Variants in RUNX2 observed in about 807,000 individuals in gnomAD.
RUNX2 encodes runt-related transcription factor 2.
In RUNX2, 10 loss-of-function variants were observed where a neutral mutation model predicts 51.7. The ratio of observed to expected loss-of-function variants is 0.19; its 90% CI spans 0.12 to 0.33. The LOEUF is 0.33. Ranked by LOEUF, RUNX2 falls within the 10% of genes least tolerant of loss-of-function variation. RUNX2 has a pLI of 1.00. For synonymous variants in RUNX2, 276 were observed against 273.6 expected (o/e 1.01, Z -0.09); for missense variants, 562 against 691.3 (o/e 0.81, Z 2.10).
chr6:45,422,292 C>G (rs1318103922), intron 2 of RUNX2: 3 of 375,310 alleles, frequency 8.0e-6, no homozygotes, highest in Non-Finnish European at 1.4e-5. Context: ...CCCCCGCGCC[C>G]GTTCGCAGCT....
intron 5 of RUNX2, among the ~76,000 whole-genome samples, chr6:45,452,683 C>A (rs765082104): frequency 1.5e-4 from 23 of 152,182 alleles, no homozygotes; most frequent in Admixed American, 1.4e-3. Flanking sequence ...CACATGCACA[C>A]GAGCACAGTG....
intron 5 of RUNX2, among the ~76,000 whole-genome samples, chr6:45,467,169 G>A (rs1582142057): frequency 6.6e-6 from 1 of 152,186 alleles, no homozygotes; most frequent in Admixed American, 6.5e-5. Flanking sequence ...GTATAATCCT[G>A]TTGGTGACCC....
intron 2 of RUNX2, among the ~76,000 whole-genome samples, chr6:45,394,563 G>A (rs1352536156): frequency 6.6e-6 from 1 of 152,140 alleles, no homozygotes; most frequent in Non-Finnish European, 1.5e-5. Context: ...CAGAGGAAGT[G>A]TTCCATAATT....
chr6:45,398,559 A>G (rs151210405), intron 2 of RUNX2, among the ~76,000 whole-genome samples: 42 of 152,330 alleles, frequency 2.8e-4, no homozygotes, highest in Admixed American at 5.2e-4. Flanking sequence ...CTAATCCTTC[A>G]ATTTTAACAA....
At chr6:45,484,400 T>A (rs982306111) in intron 5 of RUNX2, among the ~76,000 whole-genome samples, 1 of 152,118 alleles carries the variant, frequency 6.6e-6, no homozygotes, top group African/African-American at 2.4e-5. Flanking sequence ...AGGGCTTAAT[T>A]AAACATTACA....
intron 2 of RUNX2, among the ~76,000 whole-genome samples, chr6:45,384,742 G>A (rs867578989): frequency 2.0e-4 from 27 of 133,530 alleles, no homozygotes; most frequent in Non-Finnish European, 3.6e-4. Flanking sequence ...TTTAAAGACC[G>A]GGTCTCACTC....
At chr6:45,497,034 G>A (rs1196518645) in intron 6 of RUNX2, among the ~76,000 whole-genome samples, 3 of 152,152 alleles carry the variant, frequency 2.0e-5, no homozygotes, top group Non-Finnish European at 4.4e-5. Context: ...ATAAGGTGGA[G>A]TGGGGCTGGG....
intron 7 of RUNX2, among the ~76,000 whole-genome samples, chr6:45,516,913 G>A (rs2150425789): frequency 6.6e-6 from 1 of 152,098 alleles, no homozygotes; most frequent in African/African-American, 2.4e-5. Flanking sequence ...GATTGTTTGG[G>A]TCAGAGTATG....
chr6:45,430,048 C>T lies in RUNX2; in HGVS notation c.424-1815C>T, dbSNP rs546364955. 8.7e-4 allele frequency among the ~76,000 whole-genome samples: 132 copies of T among 151,216 alleles called. 1 individual carries two copies. Among genetic ancestry groups the T allele is most frequent in the African/African-American group, 3.0e-3 (124 of 41,146 alleles). Reference sequence around the variant, plus strand: ...GGTGGAGGTTGCAGTGAGCCGAGATCGTGCCACTGCACTCTAGCCTGGGTG... The same window carrying T: ...GGTGGAGGTTGCAGTGAGCCGAGATTGTGCCACTGCACTCTAGCCTGGGTG... On this transcript the variant is annotated intron_variant, in intron 3 of 8. Coordinates refer to ENST00000647337, the MANE Select transcript of RUNX2 (RefSeq NM_001024630.4).
intron 4 of RUNX2, among the ~76,000 whole-genome samples, chr6:45,435,624 T>A (rs551434674): frequency 7.9e-5 from 12 of 152,226 alleles, no homozygotes; most frequent in Non-Finnish European, 1.6e-4. Context: ...TCCCAAAGTG[T>A]TGGGATTACA....
At chr6:45,461,922 T>C (rs776841885) in intron 5 of RUNX2, among the ~76,000 whole-genome samples, 1 of 152,178 alleles carries the variant, frequency 6.6e-6, no homozygotes, top group Non-Finnish European at 1.5e-5. Flanking sequence ...AATTACTAGC[T>C]TTAAAAATGT....
At chr6:45,376,631 TGA>T (rs1485044570) in intron 2 of RUNX2, among the ~76,000 whole-genome samples, 20 of 152,208 alleles carry the variant, frequency 1.3e-4, no homozygotes, top group Non-Finnish European at 4.4e-5. Flanking sequence ...CCGAATATCC[TGA>T]GATAAGAAAC....
chr6:45,502,481 G>A (rs1800824920), intron 6 of RUNX2, among the ~76,000 whole-genome samples: 1 of 152,128 alleles, frequency 6.6e-6, no homozygotes. Flanking sequence ...GTGTGAGGTG[G>A]AGCCGGCCCA....
intron 2 of RUNX2, among the ~76,000 whole-genome samples, chr6:45,363,039 GTCT>G (rs1465489340): frequency 1.3e-5 from 2 of 151,156 alleles, no homozygotes; most frequent in Admixed American, 6.6e-5. Flanking sequence ...AATTTTTGTA[GTCT>G]TCTTCTTAAA....
chr6:45,474,212 C>T lies in RUNX2; in HGVS notation c.686-17729C>T, dbSNP rs866083995. On this transcript the variant is annotated intron_variant, in intron 5 of 8. Transcript: ENST00000647337. ...CAGGGGCTATAAAACTTTCTCTGAA[C>T]TAATTTGTCACAGTGCTATTGTGCC... Among the ~76,000 whole-genome samples the T allele has an allele frequency of 2.7e-5, 4 of 150,176 alleles. No individual in the cohort carries two copies. In the South Asian group the frequency reaches 6.3e-4, roughly 24 times the overall value.
intron 2 of RUNX2, chr6:45,377,548 G>C (rs1429452639): frequency 6.6e-6 from 1 of 152,096 alleles, no homozygotes; most frequent in South Asian, 2.1e-4. Context: ...GCTCGGCAGC[G>C]GAACCAGGGC....
At chr6:45,443,847 A>T (rs925544451) in intron 5 of RUNX2, among the ~76,000 whole-genome samples, 31 of 152,306 alleles carry the variant, frequency 2.0e-4, no homozygotes, top group African/African-American at 7.5e-4. Flanking sequence ...GAATCCTCAG[A>T]TGGTTAAGAT....
intron 2 of RUNX2, among the ~76,000 whole-genome samples, chr6:45,381,607 G>A (rs998781055): frequency 1.2e-4 from 18 of 151,822 alleles, no homozygotes; most frequent in Admixed American, 5.9e-4. Context: ...TTTAAATTTT[G>A]TGTATAGATG....
chr6:45,464,745 T>G (rs1364350453), intron 5 of RUNX2, among the ~76,000 whole-genome samples: 1 of 152,244 alleles, frequency 6.6e-6, no homozygotes, highest in Non-Finnish European at 1.5e-5. Flanking sequence ...CTAATGAATA[T>G]TTTCCTATCA....
Sources: allele counts gnomAD v4.1 joint callset (sites outside exome capture counted in the v4.1 genomes callset), GRCh38; gene constraint gnomAD v4.1.1; transcripts MANE v1.5; gene names NCBI Gene and HGNC (gene_info 2026-07-23, HGNC 2026-07-21).